Variants in OCSTAMP observed in about 807,000 individuals in gnomAD.
OCSTAMP encodes transmembrane protein C20orf123.
In OCSTAMP, 17 loss-of-function variants were observed where a neutral mutation model predicts 25.2. The ratio of observed to expected loss-of-function variants is 0.68; its 90% CI spans 0.46 to 1.01. The LOEUF (loss-of-function observed/expected upper bound fraction) is 1.01. Among genes scored for constraint, OCSTAMP ranks in the 50% least tolerant of loss-of-function variants. The probability of loss-of-function intolerance (pLI) is 0.00; values close to 1 mark genes in which losing one functional copy is unlikely to be tolerated. For missense variants in OCSTAMP, 664 were observed against 694.6 expected (o/e 0.96, Z 0.50); for synonymous variants, 345 against 318.9 (o/e 1.08, Z -0.87).
chr20:46,542,008 TC>T, intron 2 of OCSTAMP, 81 bp from the exon 3 acceptor site: 1 of 1,362,946 alleles, frequency 7.3e-7, no homozygotes, highest in Non-Finnish European at 9.4e-7. Context: ...TGTCCAGCTT[TC>T]CCTGCCTTCA....
In OCSTAMP at chr20:46,541,533, C is replaced by T; in HGVS notation, c.1442G>A (p.Trp481Ter). 4 of 1,551,756 alleles carry T rather than the reference C, an allele frequency of 2.6e-6. No homozygotes were observed. The highest frequency in any genetic ancestry group is 3.5e-6 in the Non-Finnish European group (4 of 1,146,984). ...TPRPACKPPA[W>*]IDYRLDALRT... The stretch of plus-strand genomic sequence containing the variant: ...TAAGGCATCCAGCCTGTAGTCTATC[C>T]ATGCCGGAGGCTTGCAGGCAGGTCT... Residue 481 changes from tryptophan (W) to a stop codon, truncating the protein, a stop_gained, in exon 3 of 3, where the codon TGG becomes TAG. Transcript: ENST00000279028. LOFTEE classifies it low-confidence loss of function (END_TRUNC).
At position 46,545,718 on chromosome 20, in the gene OCSTAMP, C is replaced by T. The variant is rs778974106; in HGVS notation, c.656G>A (p.Arg219Gln). The change falls in exon 2 of 3, where the codon CGG (arginine) becomes CAG (glutamine). Residue 219 changes from arginine to glutamine, a missense_variant. Transcript: ENST00000279028. ...TCGCTGGGTCCCTAGCGCTGCTGCC[C>T]GGGCCAGGGACTCCAGGCCAGAGAA... ...EDFSGLESLA[R>Q]AAALGTQRVV... The T allele has an allele frequency of 1.9e-5, 30 of 1,551,484 alleles. No homozygotes were observed. The East Asian group carries it at 2.0e-4, about 10-fold the overall frequency.
Position 46,541,773 on chromosome 20 carries a change from G to A in OCSTAMP, c.1202C>T (p.Ala401Val). ...CTGCAGGGCCCCCGCGGCCAGCGGG[G>A]CAGCTGCGCGGGGACGCCGGGCGGG... ...LLPARRPRAA[A>V]PLAAGALQLL... Residue 401 changes from alanine (A) to valine (V), a missense_variant, in exon 3 of 3, where the codon GCC (alanine) becomes GTC (valine). Physicochemically the swap from Ala to Val is moderately conservative, Grantham distance 64. Transcript: ENST00000279028. 5.9e-6 allele frequency: 9 copies of A among 1,519,788 alleles called. No individual in the cohort carries two copies. The highest frequency in any genetic ancestry group is 7.9e-6 in the Non-Finnish European group (9 of 1,135,194). The allele number at this position is 1,519,788 out of a possible 1,614,324, so 94.1% of individuals were successfully genotyped here.
At chr20:46,545,254 T>G in intron 2 of OCSTAMP, 73 bp downstream of exon 2, 4 of 1,387,194 alleles carry the variant, frequency 2.9e-6, no homozygotes, top group Non-Finnish European at 3.8e-6. Flanking sequence ...TCATCACAAG[T>G]CAAGGGTTTA....
intron 2 of OCSTAMP, among the ~76,000 whole-genome samples, chr20:46,545,110 A>G (rs2146053378): frequency 6.6e-6 from 1 of 152,296 alleles, no homozygotes; most frequent in East Asian, 1.9e-4. Flanking sequence ...GGGTTTCAGC[A>G]TCCTCAACTG....
At chr20:46,543,233 T>TC in intron 2 of OCSTAMP, among the ~76,000 whole-genome samples, 2 of 106,828 alleles carry the variant, frequency 1.9e-5, no homozygotes, top group Admixed American at 1.8e-4. Flanking sequence ...TTCCTTTCTT[T>TC]TTCTTTCTTT....
At chr20:46,545,207 A>G in intron 2 of OCSTAMP, 120 bp downstream of exon 2, 1 of 1,106,930 alleles carries the variant, frequency 9.0e-7, no homozygotes, top group Non-Finnish European at 1.2e-6. Flanking sequence ...GGCCCCATGG[A>G]TGATTCAAGG....
intron 2 of OCSTAMP, among the ~76,000 whole-genome samples, chr20:46,543,065 G>C (rs1490259376): frequency 6.6e-6 from 1 of 152,108 alleles, no homozygotes; most frequent in Non-Finnish European, 1.5e-5. Context: ...AAAAGCCTCA[G>C]AGACTGACTC....
In OCSTAMP at chr20:46,545,675, A is replaced by G. The variant is rs1395605480; in HGVS notation, c.699T>C (p.Phe233=). 1.9e-6 allele frequency: 3 copies of G among 1,551,594 alleles called. No individual in the cohort carries two copies. Among genetic ancestry groups the G allele is most frequent in the Non-Finnish European group, 2.6e-6 (3 of 1,147,002 alleles). The change falls in exon 2 of 3, where the codon TTT becomes TTC. Residue 233 remains phenylalanine (F), a synonymous_variant. Transcript: ENST00000279028. Reference sequence around the variant, plus strand: ...CCGACTCCACCAGGAGGCCCAACATAAACAGCCCTGTGACCACTCGCTGGG... The same window carrying G: ...CCGACTCCACCAGGAGGCCCAACATGAACAGCCCTGTGACCACTCGCTGGG... ...LGTQRVVTGL[F]MLGLLVESAW... is the part of the protein sequence containing the mutation.
intron 1 of OCSTAMP, 32 bp from the exon 2 acceptor site, chr20:46,546,361 T>A: frequency 4.6e-6 from 6 of 1,294,420 alleles, no homozygotes; most frequent in South Asian, 1.3e-5. Flanking sequence ...GGCATCTCTA[T>A]CAGGAGGTGG....
intron 1 of OCSTAMP, among the ~76,000 whole-genome samples, chr20:46,548,554 A>G (rs1457455382): frequency 2.0e-5 from 3 of 152,230 alleles, no homozygotes; most frequent in Non-Finnish European, 4.4e-5. Flanking sequence ...TGCCCAGGAA[A>G]GTGGGAGAAC....
At position 46,545,884 on chromosome 20, in the gene OCSTAMP, T is replaced by G; in HGVS notation, c.490A>C (p.Thr164Pro). ...CTGGATGCTGCATGCAGCTGGTGAGTGGTATTGAGGAGACTCTCCAGGGAG... is the reference window on the plus strand; with the variant it reads ...CTGGATGCTGCATGCAGCTGGTGAGGGGTATTGAGGAGACTCTCCAGGGAG... ...EGSLESLLNTTHQLHAASRAL... is the reference protein window; with the variant it reads ...EGSLESLLNTPHQLHAASRAL... The change falls in exon 2 of 3, where the codon ACT becomes CCT. Residue 164 changes from threonine (T) to proline (P), a missense_variant. Physicochemically the swap from Thr to Pro is conservative, Grantham distance 38. Transcript: ENST00000279028. 9.0e-6 allele frequency: 14 copies of G among 1,550,832 alleles called. No individual in the cohort carries two copies. The highest frequency in any genetic ancestry group is 1.2e-5 in the Non-Finnish European group (14 of 1,146,838).
At position 46,541,435 on chromosome 20, in the gene OCSTAMP, C is replaced by A; in HGVS notation, c.1540G>T (p.Val514Leu). ...CCCAAGGTCACACAGGGAGGCGGCA[C>A]AGGACCAAGGTTACAACTCAGGTCT... ...CRDLSCNLGPVPPPCVTLGKS... is the reference protein window; with the variant it reads ...CRDLSCNLGPLPPPCVTLGKS... The change falls in exon 3 of 3, where the codon GTG (valine) becomes TTG (leucine). Residue 514 changes from valine to leucine, a missense_variant. Val to Leu is a conservative substitution (Grantham distance 32, BLOSUM62 1). Coordinates refer to ENST00000279028, the MANE Select transcript of OCSTAMP (RefSeq NM_080721.3). 3.3e-6 allele frequency: 5 copies of A among 1,497,726 alleles called. No homozygotes were observed. Among genetic ancestry groups the A allele is most frequent in the Non-Finnish European group, 4.6e-6 (5 of 1,097,808 alleles). 92.8% of individuals were successfully genotyped at this position (1,497,726 alleles called of 1,614,324 possible). A position where few individuals can be genotyped will look rare whatever the true frequency, so the allele number is the denominator to read the frequency against.
rs1198446423 is a variant in OCSTAMP at position 46,545,827 on chromosome 20, G to A, written c.547C>T (p.Arg183Trp). 1.3e-5 allele frequency: 20 copies of A among 1,551,158 alleles called. No homozygotes were observed. In the East Asian group the frequency reaches 3.2e-4, roughly 25 times the overall value. Reference protein sequence around the residue: ...ALGPTGQAGSRGLTFEAQDNG... With the variant: ...ALGPTGQAGSWGLTFEAQDNG... ...TCCTGGGCCTCAAATGTCAGGCCCC[G>A]GCTGCCTGCCTGGCCTGTGGGGCCC... The change falls in exon 2 of 3, where the codon CGG becomes TGG. Residue 183 changes from arginine (R) to tryptophan (W), a missense_variant. By Grantham distance (101) the Arg-to-Trp change is moderately radical. Coordinates refer to ENST00000279028, the MANE Select transcript of OCSTAMP (RefSeq NM_080721.3).
chr20:46,545,218 G>C, intron 2 of OCSTAMP, 109 bp downstream of exon 2: 1 of 1,193,620 alleles, frequency 8.4e-7, no homozygotes, highest in Non-Finnish European at 1.1e-6. Flanking sequence ...TGATTCAAGG[G>C]CTGTTTCTTG....
chr20:46,550,522 C>T lies in OCSTAMP; in HGVS notation c.39G>A (p.Lys13=), dbSNP rs773629409. The T allele has an allele frequency of 3.4e-5, 52 of 1,551,600 alleles. No homozygotes were observed. In the South Asian group the frequency reaches 6.1e-4, roughly 18 times the overall value. ...TCCAAAGTCCCCAGACCTACCCGGT[C>T]TTGACAAGTTGCTCAGCTGCTCCTG... ...GHPGAAEQLV[K]TGWRSWHLGF... is the part of the protein sequence containing the mutation. The change falls in exon 1 of 3, where the codon AAG becomes AAA. Residue 13 remains lysine (K), a synonymous_variant. Transcript: ENST00000279028.
chr20:46,543,224 TC>T (rs2061840123), intron 2 of OCSTAMP, among the ~76,000 whole-genome samples: 1 of 148,164 alleles, frequency 6.7e-6, no homozygotes. Context: ...CTTCCTTCCT[TC>T]CTTTCTTTTT....
At chr20:46,548,402 G>C (rs1397589158) in intron 1 of OCSTAMP, among the ~76,000 whole-genome samples, 1 of 152,200 alleles carries the variant, frequency 6.6e-6, no homozygotes, top group East Asian at 1.9e-4. Flanking sequence ...CATGTTGTGA[G>C]TGCTCCAAAA....
chr20:46,545,323 T>C lies in OCSTAMP; in HGVS notation c.1047+4A>G. ...CCCTTCCCTTTTCCCATCATCACAC[T>C]TACATCATACTTGACCGTGAGCGTG... On this transcript the variant is annotated splice_donor_region_variant and intron_variant, in intron 2 of 2. Coordinates refer to ENST00000279028, the MANE Select transcript of OCSTAMP (RefSeq NM_080721.3). 1 of 1,459,818 alleles carries C rather than the reference T, an allele frequency of 6.9e-7. No homozygotes were observed. The highest frequency in any genetic ancestry group is 2.5e-5 in the East Asian group (1 of 40,092). 90.4% of individuals were successfully genotyped at this position (1,459,818 alleles called of 1,614,324 possible).
Sources: gnomAD v4.1 joint callset for allele counts (sites outside exome capture counted in the v4.1 genomes callset) on GRCh38, gnomAD v4.1.1 for gene constraint, MANE v1.5 for transcripts, NCBI Gene and HGNC (gene_info 2026-07-23, HGNC 2026-07-21) for gene names.